The following AGPAT5 variants were observed in gnomAD, a reference collection of about 807,000 sequenced individuals.
AGPAT5 encodes the protein 1-acylglycerol-3-phosphate O-acyltransferase 5.
AGPAT5 carries 46 observed loss-of-function variants against 45.6 expected under a neutral mutation model. The observed-to-expected ratio is 1.01, with a 90% CI of 0.80 to 1.29. The LOEUF (loss-of-function observed/expected upper bound fraction) is 1.29. Among genes scored for constraint, AGPAT5 ranks in the 50% most tolerant of loss-of-function variants. AGPAT5 has a pLI of 0.00. For missense variants in AGPAT5, 673 were observed against 450.7 expected, an observed-to-expected ratio of 1.49 and a Z score of -4.47; for synonymous variants, 272 against 167.0, an observed-to-expected ratio of 1.63 and a Z score of -4.85.
chr8:6,757,343 A>G lies in AGPAT5; in HGVS notation c.1050A>G (p.Ile350Met), dbSNP rs1237938293. The G allele has an allele frequency of 6.2e-7, 1 of 1,614,236 alleles. No homozygotes were observed. The highest frequency in any genetic ancestry group is 1.1e-5 in the South Asian group (1 of 91,092). The change falls in exon 8 of 8, where the codon ATA (isoleucine) becomes ATG (methionine). Residue 350 changes from isoleucine (I) to methionine (M), a missense_variant. Physicochemically the swap from Ile to Met is conservative, Grantham distance 10. Coordinates refer to ENST00000285518, the MANE Select transcript of AGPAT5 (RefSeq NM_018361.5). ...AGRKLYVNTW[I>M]YGTLLGCLWV... ...GGAAGCTGTATGTGAACACCTGGAT[A>G]TATGGAACCCTACTTGGCTGCCTGT...
chr8:6,729,051 G>C (rs945914348), intron 2 of AGPAT5, among the ~76,000 whole-genome samples: 1 of 152,116 alleles, frequency 6.6e-6, no homozygotes, highest in African/African-American at 2.4e-5. Context: ...CATAACAAAA[G>C]TTTCATATGT....
Position 6,708,691 on chromosome 8 carries a change from A to G in AGPAT5, c.23A>G (p.His8Arg), listed in dbSNP as rs1322446785. The G allele has an allele frequency of 1.2e-6, 2 of 1,602,722 alleles. No individual in the cohort carries two copies. Among genetic ancestry groups the G allele is most frequent in the African/African-American group, 2.7e-5 (2 of 74,870 alleles). Residue 8 changes from histidine to arginine, a missense_variant, in exon 1 of 8, where the codon CAC (histidine) becomes CGC (arginine). Transcript: ENST00000285518. ...AAGATGCTGCTGTCCCTGGTGCTCC[A>G]CACGTACTCCATGCGCTACCTGCTG... MLLSLVL[H>R]TYSMRYLLPS... is the part of the protein sequence containing the mutation.
intron 1 of AGPAT5, chr8:6,709,300 C>T (rs892325116): frequency 9.5e-6 from 2 of 209,898 alleles, no homozygotes; most frequent in Non-Finnish European, 2.0e-5. Context: ...CCTCTTGAAA[C>T]AGAAGTACAA....
Position 6,757,845 on chromosome 8 carries a change from C to G in AGPAT5, c.*457C>G. 6.5e-6 allele frequency: 1 copy of G among 154,436 alleles called. No homozygotes were observed. The allele number at this position is 154,436 out of a possible 1,614,324, so 9.6% of individuals were successfully genotyped here. On this transcript the variant is annotated 3_prime_UTR_variant, in exon 8 of 8. Coordinates refer to ENST00000285518, the MANE Select transcript of AGPAT5 (RefSeq NM_018361.5). ...ATATTTCATCTTTTGCTTATTTCTA[C>G]AAGTCAGTGAAATAAATTGTATTTA...
intron 2 of AGPAT5, among the ~76,000 whole-genome samples, chr8:6,727,751 A>G (rs1041586371): frequency 4.6e-5 from 7 of 152,192 alleles, no homozygotes; most frequent in African/African-American, 1.7e-4. Context: ...CTTGTTGAAC[A>G]GCATGCGTGG....
intron 1 of AGPAT5, among the ~76,000 whole-genome samples, chr8:6,714,196 C>T (rs537942346): frequency 1.3e-5 from 2 of 152,346 alleles, no homozygotes; most frequent in South Asian, 4.1e-4. Context: ...TTACTCTTCT[C>T]TGCTTATTTG....
chr8:6,755,096 G>C lies in AGPAT5; in HGVS notation c.791G>C (p.Arg264Pro). 6.2e-7 allele frequency: 1 copy of C among 1,604,976 alleles called. No individual in the cohort carries two copies. The highest frequency in any genetic ancestry group is 8.5e-7 in the Non-Finnish European group (1 of 1,177,278). The change falls in exon 7 of 8, where the codon CGT becomes CCT. Residue 264 changes from arginine (R) to proline (P), a missense_variant. Physicochemically the swap from Arg to Pro is moderately radical, Grantham distance 103. Transcript: ENST00000285518. ...CCAAAAATTCATATTCACATTGATCGTATCGACAAAAAAGATGTCCCAGAA... is the reference window on the plus strand; with the variant it reads ...CCAAAAATTCATATTCACATTGATCCTATCGACAAAAAAGATGTCCCAGAA... ...ECPKIHIHID[R>P]IDKKDVPEEQ...
At chr8:6,746,241 G>A (rs993330097) in intron 5 of AGPAT5, 6 of 152,326 alleles carry the variant, frequency 3.9e-5, no homozygotes, top group Non-Finnish European at 7.3e-5. Flanking sequence ...TTGCATGGCA[G>A]GTGGGTGCAC....
rs754164077 is a variant in AGPAT5, at chr8:6,730,843, C to A, written c.405+17C>A. The A allele has an allele frequency of 1.3e-6, 2 of 1,519,906 alleles. No individual in the cohort carries two copies. The highest frequency in any genetic ancestry group is 1.8e-6 in the Non-Finnish European group (2 of 1,098,788). The allele number at this position is 1,519,906 out of a possible 1,614,324, so 94.2% of individuals were successfully genotyped here. ...TTTGCTCAGGTAACTTGTTTCCATG[C>A]TTTTCTCTCTATATATGTAGTTTAT... On this transcript the variant is annotated intron_variant, in intron 3 of 7. Coordinates refer to ENST00000285518, the MANE Select transcript of AGPAT5 (RefSeq NM_018361.5).
At chr8:6,744,279 T>C (rs1433828745) in intron 5 of AGPAT5, among the ~76,000 whole-genome samples, 1 of 152,226 alleles carries the variant, frequency 6.6e-6, no homozygotes, top group Non-Finnish European at 1.5e-5. Context: ...ATGAATACTT[T>C]GAAGCCAACT....
chr8:6,713,297 A>G (rs558977092), intron 1 of AGPAT5, among the ~76,000 whole-genome samples: 13 of 152,288 alleles, frequency 8.5e-5, no homozygotes, highest in African/African-American at 3.1e-4. Flanking sequence ...TTACCGATTT[A>G]TCTTGCTTAA....
rs1333154896 is a variant in AGPAT5 at position 6,759,707 on chromosome 8, A to G, written c.*2319A>G. 6 of 152,198 alleles carry G rather than the reference A, an allele frequency of 3.9e-5. No homozygotes were observed. Among genetic ancestry groups the G allele is most frequent in the Admixed American group, 2.6e-4 (4 of 15,282 alleles). The allele number at this position is 152,198 out of a possible 1,614,324, so 9.4% of individuals were successfully genotyped here. A position where few individuals can be genotyped will look rare whatever the true frequency, so the allele number is the denominator to read the frequency against. ...CATTTTTTGACCCTAAAATTCACCA[A>G]CAGTCTCCCAGTACATAAAATAGGC... On this transcript the variant is annotated 3_prime_UTR_variant, in exon 8 of 8. Transcript: ENST00000285518.
At position 6,741,576 on chromosome 8, in the gene AGPAT5, C is replaced by T. The variant is rs1321916455; in HGVS notation, c.496-85C>T. 3.6e-5 allele frequency: 31 copies of T among 861,856 alleles called. No homozygotes were observed. In the Admixed American group the frequency reaches 7.1e-4, roughly 20 times the overall value. 53.4% of individuals were successfully genotyped at this position (861,856 alleles called of 1,614,324 possible). A position where few individuals can be genotyped will look rare whatever the true frequency, so the allele number is the denominator to read the frequency against. On this transcript the variant is annotated intron_variant, in intron 4 of 7. Coordinates refer to ENST00000285518, the MANE Select transcript of AGPAT5 (RefSeq NM_018361.5). Reference sequence around the variant, plus strand: ...CCTACTGTAGGAAATACTCTGTTAGCATTAGTAGGTTTAGCTTTTTTAGGT... The same window carrying T: ...CCTACTGTAGGAAATACTCTGTTAGTATTAGTAGGTTTAGCTTTTTTAGGT...
At chr8:6,720,674 A>G (rs146823243) in intron 1 of AGPAT5, among the ~76,000 whole-genome samples, 53 of 152,348 alleles carry the variant, frequency 3.5e-4, no homozygotes, top group African/African-American at 1.2e-3. Context: ...AGAGTCATCA[A>G]TCACGCAGAT....
intron 5 of AGPAT5, among the ~76,000 whole-genome samples, chr8:6,742,694 A>G (rs1399557763): frequency 6.6e-6 from 1 of 152,214 alleles, no homozygotes; most frequent in Admixed American, 6.5e-5. Flanking sequence ...TTTTAGTTTA[A>G]TTAAAAATAA....
chr8:6,747,667 T>C lies in AGPAT5; in HGVS notation c.587-3T>C, dbSNP rs559942948. ...TTAATGACGGCACTGAATTGACTTC[T>C]AGGCCTTGCAGTATTAAAACATGTG... On this transcript the variant is annotated splice_polypyrimidine_tract_variant and splice_region_variant and intron_variant, in intron 5 of 7. Transcript: ENST00000285518. 6 of 1,611,206 alleles carry C rather than the reference T, an allele frequency of 3.7e-6. No homozygotes were observed. In the African/African-American group the frequency reaches 5.3e-5, roughly 14 times the overall value.
chr8:6,728,630 A>G (rs1215370414), intron 2 of AGPAT5, among the ~76,000 whole-genome samples: 2 of 152,060 alleles, frequency 1.3e-5, no homozygotes, highest in African/African-American at 2.4e-5. Flanking sequence ...AATTCTTCCA[A>G]ATAAAAAAAT....
intron 2 of AGPAT5, among the ~76,000 whole-genome samples, chr8:6,726,299 A>G (rs7825558): frequency 0.45 from 69,111 of 152,088 alleles, 15,847 homozygotes; most frequent in Non-Finnish European, 0.48. Flanking sequence ...GGCCCAGTAC[A>G]GGGAATGGCT....
At chr8:6,743,203 C>A (rs1179689858) in intron 5 of AGPAT5, among the ~76,000 whole-genome samples, 2 of 152,158 alleles carry the variant, frequency 1.3e-5, no homozygotes, top group Non-Finnish European at 2.9e-5. Context: ...GTGTTATTTC[C>A]AGTGTCAGGT....
Sources: allele counts gnomAD v4.1 joint callset (sites outside exome capture counted in the v4.1 genomes callset), GRCh38; gene constraint gnomAD v4.1.1; transcripts MANE v1.5; gene names NCBI Gene and HGNC (gene_info 2026-07-23, HGNC 2026-07-21).